Variants in PTPN2 observed in about 807,000 individuals in gnomAD.
PTPN2 encodes protein tyrosine phosphatase non-receptor type 2.
Under a neutral mutation model 57.3 loss-of-function variants are expected in PTPN2, and 19 were observed. The observed-to-expected ratio is 0.33, with a 90% confidence interval of 0.23 to 0.49. PTPN2 has a LOEUF of 0.49. Ranked by LOEUF, PTPN2 falls within the 20% of genes least tolerant of loss-of-function variation. The probability of loss-of-function intolerance (pLI) is 0.99; values close to 1 mark genes in which losing one functional copy is unlikely to be tolerated. For synonymous variants in PTPN2, 153 were observed against 164.9 expected, an observed-to-expected ratio of 0.93 and a Z score of 0.55; for missense variants, 358 against 501.1, an observed-to-expected ratio of 0.71 and a Z score of 2.73.
At chr18:12,803,431 GAA>G (rs1204979608) in intron 7 of PTPN2, among the ~76,000 whole-genome samples, 1 of 152,116 alleles carries the variant, frequency 6.6e-6, no homozygotes, top group Admixed American at 6.6e-5. Flanking sequence ...ATACTTCAAT[GAA>G]AAGATACAGT....
Position 12,850,326 on chromosome 18 carries a change from TA to T in PTPN2, c.160+8837del, listed in dbSNP as rs537804179. Reference sequence around the variant, plus strand: ...GCCAACACAGTGAAACTGTCTCTACTAAAAAACACAAAATTAGCCAGGCCTG... The same window carrying T: ...GCCAACACAGTGAAACTGTCTCTACTAAAAACACAAAATTAGCCAGGCCTG... On this transcript the variant is annotated intron_variant, in intron 2 of 8. Transcript: ENST00000309660. Among the ~76,000 whole-genome samples the T allele has an allele frequency of 8.0e-3, 1,215 of 151,916 alleles. 13 individuals are homozygous for T. The highest frequency in any genetic ancestry group is 0.027 in the African/African-American group (1,111 of 41,444).
At chr18:12,867,641 C>T (rs140331132) in intron 1 of PTPN2, among the ~76,000 whole-genome samples, 44 of 152,258 alleles carry the variant, frequency 2.9e-4, no homozygotes, top group African/African-American at 9.9e-4. Flanking sequence ...CTTCAGTCTC[C>T]TCTGTTCCCT....
chr18:12,871,832 G>C (rs1476225037), intron 1 of PTPN2, among the ~76,000 whole-genome samples: 1 of 152,064 alleles, frequency 6.6e-6, no homozygotes, highest in African/African-American at 2.4e-5. Context: ...CTGATCACTT[G>C]AAGTCAGGAG....
chr18:12,804,404 A>C (rs762220032), intron 7 of PTPN2, among the ~76,000 whole-genome samples: 2 of 149,562 alleles, frequency 1.3e-5, no homozygotes, highest in Non-Finnish European at 3.0e-5. Context: ...AGAAAATAAT[A>C]AAGACCAGAA....
At chr18:12,856,897 T>G (rs2043607156) in intron 2 of PTPN2, among the ~76,000 whole-genome samples, 1 of 151,584 alleles carries the variant, frequency 6.6e-6, no homozygotes, top group African/African-American at 2.4e-5. Flanking sequence ...CCATCTCTAC[T>G]AAAAATACAA....
At chr18:12,832,558 T>C (rs1173598477) in intron 3 of PTPN2, among the ~76,000 whole-genome samples, 1 of 152,238 alleles carries the variant, frequency 6.6e-6, no homozygotes, top group Non-Finnish European at 1.5e-5. Flanking sequence ...AACCTAATAT[T>C]TGAGAGTGGC....
Position 12,792,902 on chromosome 18 carries a change from A to G in PTPN2, c.*1376T>C. 1.0e-6 allele frequency: 1 copy of G among 983,382 alleles called. No individual in the cohort carries two copies. The highest frequency in any genetic ancestry group is 1.2e-6 in the Non-Finnish European group (1 of 828,018). The allele number at this position is 983,382 out of a possible 1,614,324, so 60.9% of individuals were successfully genotyped here. On this transcript the variant is annotated 3_prime_UTR_variant, in exon 9 of 9. Transcript: ENST00000309660. ...CACCGCGCCCGACCAAACTGTTTTT[A>G]AATGATAACTGCCCCCTTTAAAATA...
intron 5 of PTPN2, among the ~76,000 whole-genome samples, chr18:12,821,860 A>G (rs2042280054): frequency 6.6e-6 from 1 of 152,188 alleles, no homozygotes; most frequent in Non-Finnish European, 1.5e-5. Context: ...TTCTTAGAGG[A>G]TGGTGGAAAG....
intron 8 of PTPN2, among the ~76,000 whole-genome samples, chr18:12,796,116 C>T (rs1568077551): frequency 6.6e-6 from 1 of 152,052 alleles, no homozygotes; most frequent in Non-Finnish European, 1.5e-5. Context: ...TAAAAGATAT[C>T]TGGCCTAGAA....
At chr18:12,806,567 A>G (rs1283106383) in intron 7 of PTPN2, among the ~76,000 whole-genome samples, 6 of 152,152 alleles carry the variant, frequency 3.9e-5, no homozygotes, top group Non-Finnish European at 2.9e-5. Flanking sequence ...ATAGTAACCA[A>G]AATAGCATGC....
intron 8 of PTPN2, among the ~76,000 whole-genome samples, chr18:12,798,715 T>C (rs2041288255): frequency 6.6e-6 from 1 of 152,242 alleles, no homozygotes; most frequent in Non-Finnish European, 1.5e-5. Context: ...GCAATCAACA[T>C]ACGCGTGTGT....
At chr18:12,875,212 T>C (rs2044446181) in intron 1 of PTPN2, among the ~76,000 whole-genome samples, 1 of 152,088 alleles carries the variant, frequency 6.6e-6, no homozygotes, top group South Asian at 2.1e-4. Context: ...CCAGAGACCT[T>C]TGTTCACTTG....
At chr18:12,879,235 C>A (rs2044590280) in intron 1 of PTPN2, among the ~76,000 whole-genome samples, 1 of 152,124 alleles carries the variant, frequency 6.6e-6, no homozygotes, top group African/African-American at 2.4e-5. Flanking sequence ...ACCTCCTGAC[C>A]TCAAGTGATC....
chr18:12,863,860 A>G (rs2043902694), intron 1 of PTPN2: 1 of 152,212 alleles, frequency 6.6e-6, no homozygotes, highest in African/African-American at 2.4e-5. Context: ...TTTTTGCTCA[A>G]AAAAAGCAAG....
chr18:12,858,213 A>G (rs1344278764), intron 2 of PTPN2, among the ~76,000 whole-genome samples: 1 of 152,230 alleles, frequency 6.6e-6, no homozygotes, highest in Non-Finnish European at 1.5e-5. Flanking sequence ...ATCAGTAACA[A>G]GCAAAAACCA....
chr18:12,874,399 G>A (rs978394971), intron 1 of PTPN2, among the ~76,000 whole-genome samples: 8 of 146,814 alleles, frequency 5.4e-5, no homozygotes, highest in African/African-American at 1.8e-4. Context: ...CCCCTTCCGG[G>A]AGGGAGGTGG....
At chr18:12,797,933 G>A (rs969240620) in intron 8 of PTPN2, among the ~76,000 whole-genome samples, 6 of 152,014 alleles carry the variant, frequency 3.9e-5, no homozygotes, top group Admixed American at 2.6e-4. Context: ...GCCATGTTGC[G>A]CAGGCTGGTC....
intron 2 of PTPN2, among the ~76,000 whole-genome samples, chr18:12,850,420 C>G (rs938619304): frequency 6.6e-6 from 1 of 151,940 alleles, no homozygotes; most frequent in African/African-American, 2.4e-5. Flanking sequence ...ACTCGAGAGG[C>G]AGAGGCTGCA....
At chr18:12,797,945 T>G (rs942099128) in intron 8 of PTPN2, among the ~76,000 whole-genome samples, 2 of 152,120 alleles carry the variant, frequency 1.3e-5, no homozygotes, top group Non-Finnish European at 2.9e-5. Context: ...AGGCTGGTCT[T>G]GAACTGCTAG....
Sources: allele counts gnomAD v4.1 joint callset (sites outside exome capture counted in the v4.1 genomes callset), GRCh38; gene constraint gnomAD v4.1.1; transcripts MANE v1.5; gene names NCBI Gene and HGNC (gene_info 2026-07-23, HGNC 2026-07-21).